The following PHRF1 variants were observed in gnomAD, a reference collection of about 807,000 sequenced individuals.
PHRF1 encodes the protein PHD and ring finger domains 1.
Under a neutral mutation model 128.9 loss-of-function variants are expected in PHRF1, and 53 were observed. The observed-to-expected ratio is 0.41, with a 90% CI of 0.33 to 0.52. PHRF1 has a LOEUF of 0.52. Among genes scored for constraint, PHRF1 ranks in the 20% least tolerant of loss-of-function variants. The pLI is 0.21. For synonymous variants in PHRF1, 1,178 were observed against 980.6 expected (o/e 1.20, Z -3.76); for missense variants, 2,503 against 2,284.5 (o/e 1.10, Z -1.95).
At chr11:578,724 C>T (rs1381714119) in intron 1 of PHRF1, among the ~76,000 whole-genome samples, 4 of 152,212 alleles carry the variant, frequency 2.6e-5, no homozygotes, top group Non-Finnish European at 4.4e-5. Context: ...TTCCACCACA[C>T]CTACCTGGTT....
In PHRF1 at chr11:597,129, C is replaced by G; in HGVS notation, c.718+109C>G. On this transcript the variant is annotated intron_variant, in intron 7 of 17. Transcript: ENST00000264555. The surrounding 1 kb of genome is among the most constrained non-coding windows in gnomAD (Gnocchi z 6.5). ...GTGTGGGGAGGACATCTAGGGCTGT[C>G]TCATGGGGGTTAGGGTTGGCTGCGG... is the stretch of plus-strand genomic sequence containing the variant. 8.3e-7 allele frequency: 1 copy of G among 1,201,412 alleles called. No homozygotes were observed. The highest frequency in any genetic ancestry group is 1.2e-6 in the Non-Finnish European group (1 of 846,096). The allele number at this position is 1,201,412 out of a possible 1,614,324, so 74.4% of individuals were successfully genotyped here.
chr11:604,742 C>T (rs1855842837), intron 10 of PHRF1, among the ~76,000 whole-genome samples: 1 of 152,156 alleles, frequency 6.6e-6, no homozygotes, highest in African/African-American at 2.4e-5. Flanking sequence ...CTCAAGCTGG[C>T]CTCAAATGAT....
Position 608,273 on chromosome 11 carries a change from G to A in PHRF1, c.2817G>A (p.Glu939=). The A allele has an allele frequency of 6.2e-7, 1 of 1,610,002 alleles. No homozygotes were observed. Among genetic ancestry groups the A allele is most frequent in the Non-Finnish European group, 8.5e-7 (1 of 1,179,430 alleles). The change falls in exon 14 of 18, where the codon GAG becomes GAA. Residue 939 remains glutamate (E), a synonymous_variant. Transcript: ENST00000264555. ...GGCTGCGGAGGCCATCCCCCCCAGAGCCCTGGGATGAGGAGGATGGGGCGT... is the reference window on the plus strand; with the variant it reads ...GGCTGCGGAGGCCATCCCCCCCAGAACCCTGGGATGAGGAGGATGGGGCGT... ...AARLRRPSPP[E]PWDEEDGASC...
intron 9 of PHRF1, 38 bp downstream of exon 9, chr11:598,540 G>A: frequency 6.3e-7 from 1 of 1,587,248 alleles, no homozygotes; most frequent in Non-Finnish European, 8.6e-7. Flanking sequence ...CCAGCCACAG[G>A]CTGGGACCCA....
At chr11:590,047 G>C (rs1405594342) in intron 4 of PHRF1, among the ~76,000 whole-genome samples, 1 of 149,938 alleles carries the variant, frequency 6.7e-6, no homozygotes, top group Non-Finnish European at 1.5e-5. Flanking sequence ...GCGGGGCTCA[G>C]CCTGAGAATG....
intron 9 of PHRF1, among the ~76,000 whole-genome samples, chr11:599,182 G>A (rs1025160366): frequency 1.3e-5 from 2 of 150,396 alleles, no homozygotes; most frequent in Admixed American, 6.6e-5. Flanking sequence ...TACTCAGTGC[G>A]TTCTAATCTG....
intron 14 of PHRF1, 71 bp from the exon 15 acceptor site, chr11:610,125 C>T (rs1274017101): frequency 2.1e-6 from 3 of 1,443,474 alleles, no homozygotes; most frequent in African/African-American, 2.9e-5. Context: ...CTGGATTTTT[C>T]CAGCCATGAA....
chr11:592,740 A>C, intron 6 of PHRF1, 66 bp downstream of exon 6: 1 of 1,520,602 alleles, frequency 6.6e-7, no homozygotes, highest in Non-Finnish European at 9.1e-7. Context: ...CGCAGGAGGG[A>C]TGCAGAGCCT....
At chr11:610,049 C>T (rs1369330620) in intron 14 of PHRF1, 147 bp from the exon 15 acceptor site, 16 of 1,107,422 alleles carry the variant, frequency 1.4e-5, no homozygotes, top group Non-Finnish European at 2.0e-5. Context: ...GCACACCTCG[C>T]AACCTCCCCT....
chr11:590,307 C>G (rs969660414), intron 4 of PHRF1, among the ~76,000 whole-genome samples: 1 of 152,188 alleles, frequency 6.6e-6, no homozygotes, highest in Non-Finnish European at 1.5e-5. Context: ...TGCGCCCACA[C>G]GAAGACACGT....
At position 598,384 on chromosome 11, in the gene PHRF1, G is replaced by A. The variant is rs1589884179; in HGVS notation, c.906G>A (p.Gly302=). The part of the protein sequence containing the change: ...STARRVQHTP[G]RLGSSLLDEA... ...CCCTTTGCCTGTAGCACACACCAGGGCGCCTCGGGTCTTCCCTGCTGGATG... is the reference window on the plus strand; with the variant it reads ...CCCTTTGCCTGTAGCACACACCAGGACGCCTCGGGTCTTCCCTGCTGGATG... Residue 302 remains glycine, a synonymous_variant, in exon 9 of 18, where the codon GGG becomes GGA. Transcript: ENST00000264555. 1 of 1,609,458 alleles carries A rather than the reference G, an allele frequency of 6.2e-7. No individual in the cohort carries two copies. Among genetic ancestry groups the A allele is most frequent in the East Asian group, 2.2e-5 (1 of 44,880 alleles).
chr11:588,252 A>G (rs1199962028), intron 4 of PHRF1, among the ~76,000 whole-genome samples: 1 of 152,222 alleles, frequency 6.6e-6, no homozygotes, highest in Non-Finnish European at 1.5e-5. Context: ...AGCAGGACCC[A>G]GACATTCCTC....
In PHRF1 at chr11:608,459, C is replaced by G. The variant is rs769057188; in HGVS notation, c.3003C>G (p.Ser1001Arg). ...SRSRSTSSSR[S>R]RKKAKRKRVS... Reference sequence around the variant, plus strand: ...CCCGCTCCACATCCAGCTCCCGCAGCAGGAAGAAGGCCAAGAGGAAGAGGG... The same window carrying G: ...CCCGCTCCACATCCAGCTCCCGCAGGAGGAAGAAGGCCAAGAGGAAGAGGG... Residue 1001 changes from serine to arginine, a missense_variant, in exon 14 of 18, where the codon AGC becomes AGG. Transcript: ENST00000264555. 6.2e-7 allele frequency: 1 copy of G among 1,612,492 alleles called. No individual in the cohort carries two copies. Among genetic ancestry groups the G allele is most frequent in the East Asian group, 2.2e-5 (1 of 44,880 alleles).
In PHRF1 at chr11:609,266, C is replaced by A. The variant is rs778764882; in HGVS notation, c.3810C>A (p.Val1270=). Residue 1270 remains valine (V), a synonymous_variant, in exon 14 of 18, where the codon GTC becomes GTA. Coordinates refer to ENST00000264555, the MANE Select transcript of PHRF1 (RefSeq NM_001286581.2). ...DYGDSVEAGH[V]FDDFSSDAVF... ...GCGACTCCGTGGAGGCCGGACACGT[C>A]TTTGATGATTTCTCAAGCGACGCCG... is the stretch of plus-strand genomic sequence containing the variant. 55 of 1,612,120 alleles carry A rather than the reference C, an allele frequency of 3.4e-5. No individual in the cohort carries two copies. Among genetic ancestry groups the A allele is most frequent in the Non-Finnish European group, 4.6e-5 (54 of 1,179,900 alleles).
intron 4 of PHRF1, 70 bp from the exon 5 acceptor site, chr11:591,314 T>C (rs1365470824): frequency 3.0e-6 from 4 of 1,351,074 alleles, no homozygotes; most frequent in Admixed American, 4.2e-5. Flanking sequence ...TGATTTTCAG[T>C]GTAAAAGAAT....
At chr11:587,560 T>G in intron 4 of PHRF1, 96 bp downstream of exon 4, 5 of 1,286,892 alleles carry the variant, frequency 3.9e-6, no homozygotes, top group Middle Eastern at 2.7e-4. Flanking sequence ...GAGGTTCTAG[T>G]TGTCTGCTCT....
intron 6 of PHRF1, among the ~76,000 whole-genome samples, chr11:595,088 C>T (rs1564850369): frequency 6.6e-6 from 1 of 152,110 alleles, no homozygotes; most frequent in African/African-American, 2.4e-5. Context: ...CACAGTAGGC[C>T]GAGGCGGGTG....
At chr11:603,111 A>G (rs751949507) in intron 10 of PHRF1, among the ~76,000 whole-genome samples, 13 of 152,034 alleles carry the variant, frequency 8.6e-5, no homozygotes, top group East Asian at 1.9e-4. Context: ...CTGAAGTGCA[A>G]TGGCTCAATC....
chr11:611,451 G>A (rs561593518), intron 17 of PHRF1, among the ~76,000 whole-genome samples, 183 bp from the exon 18 acceptor site: 13 of 152,286 alleles, frequency 8.5e-5, no homozygotes, highest in African/African-American at 2.9e-4. Flanking sequence ...CCTTGTGAGC[G>A]GCATAGCGAA....
Sources: allele counts gnomAD v4.1 joint callset (sites outside exome capture counted in the v4.1 genomes callset), GRCh38; gene constraint gnomAD v4.1.1; non-coding constraint Gnocchi (gnomAD v3.1); transcripts MANE v1.5; gene names NCBI Gene and HGNC (gene_info 2026-07-23, HGNC 2026-07-21).